Variants in SERPINB4 observed in about 807,000 individuals in gnomAD.
SERPINB4 encodes the protein serpin family B member 4.
SERPINB4 carries 39 observed loss-of-function variants against 33.2 expected under a neutral mutation model. The ratio of observed to expected loss-of-function variants is 1.18; its 90% confidence interval spans 0.91 to 1.53. SERPINB4 has a LOEUF of 1.53. SERPINB4 is among the 40% of genes most tolerant of loss of function. SERPINB4 has a pLI of 0.00. For synonymous variants in SERPINB4, 191 were observed against 166.4 expected (o/e 1.15, Z -1.14); for missense variants, 564 against 455.4 (o/e 1.24, Z -2.17).
Position 63,641,812 on chromosome 18 carries a change from T to G in SERPINB4, c.299A>C (p.Glu100Ala). 2.5e-6 allele frequency: 4 copies of G among 1,613,522 alleles called. No individual in the cohort carries two copies. The highest frequency in any genetic ancestry group is 2.5e-6 in the Non-Finnish European group (3 of 1,179,576). ...GAAGAGCTTGTTGGCGATCTTCAGC[T>G]CATATGCATCAGTGGATTTGTTGAA... ...TEFNKSTDAY[E>A]LKIANKLFGE... Residue 100 changes from glutamate to alanine, a missense_variant, in exon 4 of 8, where the codon GAG becomes GCG. Transcript: ENST00000341074.
At chr18:63,642,036 C>G in intron 3 of SERPINB4, 148 bp from the exon 4 acceptor site, 3 of 1,212,930 alleles carry the variant, frequency 2.5e-6, no homozygotes, top group Non-Finnish European at 3.4e-6. Flanking sequence ...TATTTCACCT[C>G]AAATACCCTT....
Position 63,639,223 on chromosome 18 carries a change from T to C in SERPINB4, c.730A>G (p.Ile244Val). ...IPYKGKDLSM[I>V]VLLPNEIDGL... ...TCGATTTCATTTGGCAGCAGCACAA[T>C]CATGCTTAGATCTTTGCCTTTGTAT... Residue 244 changes from isoleucine (I) to valine (V), a missense_variant, in exon 7 of 8, where the codon ATT becomes GTT. Ile to Val is a conservative substitution (Grantham distance 29). Coordinates refer to ENST00000341074, the MANE Select transcript of SERPINB4 (RefSeq NM_002974.4). 6.2e-7 allele frequency: 1 copy of C among 1,611,866 alleles called. No individual in the cohort carries two copies. The highest frequency in any genetic ancestry group is 8.5e-7 in the Non-Finnish European group (1 of 1,178,610).
At position 63,639,726 on chromosome 18, in the gene SERPINB4, G is replaced by A. The variant is rs750267501; in HGVS notation, c.520C>T (p.Leu174=). ...AAATAGATTGCGTTCACAAGAACCA[G>A]TGTCGTATCATTGCCAATAGTCCCA... ...PDGTIGNDTT[L]VLVNAIYFKG... The change falls in exon 6 of 8, where the codon CTG becomes TTG. Residue 174 remains leucine (L), a synonymous_variant. Transcript: ENST00000341074. 3.1e-6 allele frequency: 5 copies of A among 1,607,926 alleles called. No individual in the cohort carries two copies. Among genetic ancestry groups the A allele is most frequent in the Non-Finnish European group, 4.3e-6 (5 of 1,175,130 alleles).
chr18:63,641,908 A>C lies in SERPINB4; in HGVS notation c.223-20T>G. 1 of 1,611,536 alleles carries C rather than the reference A, an allele frequency of 6.2e-7. No individual in the cohort carries two copies. On this transcript the variant is annotated intron_variant, in intron 3 of 7. Transcript: ENST00000341074. The stretch of plus-strand genomic sequence containing the variant: ...ATCAACCTTCAAACATCAAAAAGGG[A>C]GATCATTCAATTGCTGTATCAATGT...
intron 3 of SERPINB4, chr18:63,642,861 A>T (rs1913181685): frequency 3.1e-6 from 1 of 322,504 alleles, no homozygotes; most frequent in African/African-American, 2.1e-5. Context: ...GGTCACTGGG[A>T]CTCCGAGCAG....
In SERPINB4 at chr18:63,639,666, T is replaced by A; in HGVS notation, c.580A>T (p.Asn194Tyr). The change falls in exon 6 of 8, where the codon AAC (asparagine) becomes TAC (tyrosine). Residue 194 changes from asparagine (N) to tyrosine (Y), a missense_variant. Physicochemically the swap from Asn to Tyr is moderately radical, Grantham distance 143. Transcript: ENST00000341074. ...GQWENKFKKE[N>Y]TKEEKFWPNK... ...GGCCAAAATTTTTCCTCTTTAGTGT[T>A]TTCTTTTTTAAATTTATTCTCCCAC... 1 of 1,610,636 alleles carries A rather than the reference T, an allele frequency of 6.2e-7. No homozygotes were observed. The highest frequency in any genetic ancestry group is 1.3e-5 in the African/African-American group (1 of 74,932).
At chr18:63,641,722 G>A in intron 4 of SERPINB4, 38 bp downstream of exon 4, 1 of 1,612,666 alleles carries the variant, frequency 6.2e-7, no homozygotes, top group Non-Finnish European at 8.5e-7. Flanking sequence ...ACAGACATCA[G>A]GATGCAAATG....
chr18:63,639,151 A>G, intron 7 of SERPINB4, 34 bp downstream of exon 7: 2 of 1,546,076 alleles, frequency 1.3e-6, no homozygotes, highest in Non-Finnish European at 1.8e-6. Context: ...AATGTCCGGC[A>G]GTAGAAGGAA....
intron 7 of SERPINB4, among the ~76,000 whole-genome samples, chr18:63,638,489 C>A (rs1212302160): frequency 6.6e-6 from 1 of 151,872 alleles, no homozygotes; most frequent in East Asian, 1.9e-4. Flanking sequence ...CTACATGTGT[C>A]AATTTTTAAT....
chr18:63,639,512 A>T, intron 6 of SERPINB4, 122 bp downstream of exon 6: 1 of 1,023,628 alleles, frequency 9.8e-7, no homozygotes, highest in Non-Finnish European at 1.4e-6. Context: ...ATAAGAGTAA[A>T]ACAACAAAAT....
At chr18:63,640,140 A>T (rs974142132) in intron 5 of SERPINB4, among the ~76,000 whole-genome samples, 11 of 150,250 alleles carry the variant, frequency 7.3e-5, no homozygotes, top group Admixed American at 1.3e-4. Context: ...TCCTACTTTT[A>T]TTTTTTTTTA....
Position 63,637,568 on chromosome 18 carries a change from T to C in SERPINB4, c.*151A>G. ...AAGAGAAAGAGAGAAAGGCATGCTA[T>C]TTTAATCATTAAATTCTTGATGATG... On this transcript the variant is annotated 3_prime_UTR_variant, in exon 8 of 8. Coordinates refer to ENST00000341074, the MANE Select transcript of SERPINB4 (RefSeq NM_002974.4). 2.6e-6 allele frequency: 2 copies of C among 777,048 alleles called. No homozygotes were observed. Among genetic ancestry groups the C allele is most frequent in the South Asian group, 4.6e-5 (2 of 43,460 alleles). 48.1% of individuals were successfully genotyped at this position (777,048 alleles called of 1,614,324 possible). A position where few individuals can be genotyped will look rare whatever the true frequency, so the allele number is the denominator to read the frequency against.
intron 5 of SERPINB4, 114 bp downstream of exon 5, chr18:63,640,760 C>T: frequency 6.0e-6 from 5 of 835,924 alleles, no homozygotes; most frequent in South Asian, 1.7e-5. Context: ...CCCTCTTCAG[C>T]CCTCCCTGCA....
chr18:63,638,959 T>A (rs1022018939), intron 7 of SERPINB4, among the ~76,000 whole-genome samples: 9 of 151,898 alleles, frequency 5.9e-5, no homozygotes, highest in South Asian at 2.1e-4. Flanking sequence ...CTTAAAGTAT[T>A]ATAATAATAA....
intron 1 of SERPINB4, among the ~76,000 whole-genome samples, chr18:63,643,806 C>T (rs916137565): frequency 1.3e-5 from 2 of 152,214 alleles, no homozygotes; most frequent in East Asian, 1.9e-4. Context: ...TACAAAACTA[C>T]GTTTTTAAAG....
Position 63,640,864 on chromosome 18 carries a change from G to A in SERPINB4, c.469+10C>T, listed in dbSNP as rs1339772269. On this transcript the variant is annotated intron_variant, in intron 5 of 7. Transcript: ENST00000341074. Reference sequence around the variant, plus strand: ...CTCAAAGGTGTTTCTATAATGGGTGGCTCTCCTACCATTCGTTTGACTTTC... The same window carrying A: ...CTCAAAGGTGTTTCTATAATGGGTGACTCTCCTACCATTCGTTTGACTTTC... The A allele has an allele frequency of 3.1e-6, 5 of 1,604,252 alleles. No individual in the cohort carries two copies. The South Asian group carries it at 5.5e-5, about 18-fold the overall frequency.
chr18:63,638,413 A>T (rs1913012091), intron 7 of SERPINB4, among the ~76,000 whole-genome samples: 1 of 152,042 alleles, frequency 6.6e-6, no homozygotes, highest in African/African-American at 2.4e-5. Flanking sequence ...ACACATGTAA[A>T]ATATGATTAC....
At position 63,642,597 on chromosome 18, in the gene SERPINB4, G is replaced by T. The variant is rs144857936; in HGVS notation, c.222+564C>A. Among the ~76,000 whole-genome samples the T allele has an allele frequency of 3.9e-5, 6 of 152,028 alleles. No homozygotes were observed. The East Asian group carries it at 1.2e-3, about 29-fold the overall frequency. ...CAGCAAAGCATTTTGCACTATTAAG[G>T]CTCTAAACCAATATATTCCATAGCA... On this transcript the variant is annotated intron_variant, in intron 3 of 7. Coordinates refer to ENST00000341074, the MANE Select transcript of SERPINB4 (RefSeq NM_002974.4).
At chr18:63,642,874 G>A (rs1050700434) in intron 3 of SERPINB4, 16 of 394,486 alleles carry the variant, frequency 4.1e-5, no homozygotes, top group African/African-American at 3.0e-4. Context: ...CCGAGCAGTT[G>A]TGTCCTGCTC....
Sources: allele counts gnomAD v4.1 joint callset (sites outside exome capture counted in the v4.1 genomes callset), GRCh38; gene constraint gnomAD v4.1.1; transcripts MANE v1.5; gene names NCBI Gene and HGNC (gene_info 2026-07-23, HGNC 2026-07-21).